The following AAK1 variants were observed in gnomAD, a reference collection of about 807,000 sequenced individuals.
AAK1 encodes the protein AP2 associated kinase 1.
In AAK1, 37 loss-of-function variants were observed where a neutral mutation model predicts 116.0. The observed-to-expected ratio is 0.32, with a 90% CI of 0.25 to 0.42. AAK1 has a LOEUF of 0.42. Among genes scored for constraint, AAK1 ranks in the 10% least tolerant of loss-of-function variants. The pLI, the probability that AAK1 is intolerant of heterozygous loss-of-function variation, is 1.00. For missense variants in AAK1, 919 were observed against 1,170.6 expected (o/e 0.79, Z 3.14); for synonymous variants, 458 against 439.9 (o/e 1.04, Z -0.51).
intron 20 of AAK1, among the ~76,000 whole-genome samples, chr2:69,477,204 T>C (rs1481441928): frequency 6.6e-6 from 1 of 151,846 alleles, no homozygotes; most frequent in African/African-American, 2.4e-5. Flanking sequence ...TTGACTTTTA[T>C]AATGATTAGG....
intron 2 of AAK1, among the ~76,000 whole-genome samples, chr2:69,589,701 T>C (rs1672945408): frequency 8.1e-6 from 1 of 123,162 alleles, no homozygotes; most frequent in African/African-American, 3.1e-5. Flanking sequence ...AAAGAGAAAC[T>C]CTGTCTCAAA....
rs1053163491 is a variant in AAK1 at position 69,473,027 on chromosome 2, A to G, written c.*2842T>C. On this transcript the variant is annotated 3_prime_UTR_variant, in exon 22 of 22. Coordinates refer to ENST00000409085, the MANE Select transcript of AAK1 (RefSeq NM_014911.5). ...CATCAGGATTATATAAATCCTTCAT[A>G]GCCCTTCTCAATATAATAATATATA... 3.1e-5 allele frequency: 30 copies of G among 974,760 alleles called. No individual in the cohort carries two copies. Among genetic ancestry groups the G allele is most frequent in the Non-Finnish European group, 3.7e-5 (30 of 819,918 alleles). The allele number at this position is 974,760 out of a possible 1,614,324, so 60.4% of individuals were successfully genotyped here.
At chr2:69,517,689 A>C (rs1676640914) in intron 12 of AAK1, among the ~76,000 whole-genome samples, 1 of 151,616 alleles carries the variant, frequency 6.6e-6, no homozygotes, top group Admixed American at 6.6e-5. Flanking sequence ...ATCAAATGAC[A>C]CCATAGCATG....
intron 16 of AAK1, among the ~76,000 whole-genome samples, chr2:69,499,571 T>C (rs1463474707): frequency 6.6e-6 from 1 of 152,230 alleles, no homozygotes; most frequent in Non-Finnish European, 1.5e-5. Context: ...CCACCACTTA[T>C]TCCTGTTACT....
Position 69,467,578 on chromosome 2 carries a change from T to G in AAK1, c.*8291A>C. 1.0e-6 allele frequency: 1 copy of G among 985,048 alleles called. No homozygotes were observed. The highest frequency in any genetic ancestry group is 4.7e-5 in the South Asian group (1 of 21,276). The allele number at this position is 985,048 out of a possible 1,614,324, so 61.0% of individuals were successfully genotyped here. ...GCTCAGTAAAGAGATACTACTGGAG[T>G]TTCCCAACCCACCAGGATAAGAATA... On this transcript the variant is annotated 3_prime_UTR_variant, in exon 22 of 22. Transcript: ENST00000409085.
chr2:69,643,499 ACCCTCCCGGGCACTGCCT>A, intron 1 of AAK1, 58 bp downstream of exon 1: 2 of 1,219,228 alleles, frequency 1.6e-6, no homozygotes, highest in South Asian at 8.5e-5. Flanking sequence ...GGCAGCGCCG[ACCCTCCCGGGCACTGCCT>A]CCCGCTCCTC....
At chr2:69,639,173 A>G (rs1304397479) in intron 2 of AAK1, among the ~76,000 whole-genome samples, 1 of 152,198 alleles carries the variant, frequency 6.6e-6, no homozygotes, top group Admixed American at 6.5e-5. Flanking sequence ...CATCTAGTCC[A>G]CCTTATAGTT....
At position 69,544,199 on chromosome 2, in the gene AAK1, T is replaced by G. The variant is rs369580741; in HGVS notation, c.391+237A>C. On this transcript the variant is annotated intron_variant, in intron 4 of 21. Coordinates refer to ENST00000409085, the MANE Select transcript of AAK1 (RefSeq NM_014911.5). ...ATTCTCATTCTTACACATCTTCATT[T>G]ATATACAAACACCAAACCTTCCCAA... 26 of 451,698 alleles carry G rather than the reference T, an allele frequency of 5.8e-5. No homozygotes were observed. In the East Asian group the frequency reaches 6.4e-4, roughly 11 times the overall value. The allele number at this position is 451,698 out of a possible 1,614,324, so 28.0% of individuals were successfully genotyped here. A position where few individuals can be genotyped will look rare whatever the true frequency, so the allele number is the denominator to read the frequency against.
chr2:69,618,938 C>G (rs577254137), intron 2 of AAK1, among the ~76,000 whole-genome samples: 1 of 152,282 alleles, frequency 6.6e-6, no homozygotes, highest in East Asian at 1.9e-4. Flanking sequence ...CCTCCATGCT[C>G]TGACTCTTCC....
At chr2:69,507,645 T>G (rs952063465) in intron 14 of AAK1, 67 bp from the exon 15 acceptor site, 8 of 1,356,900 alleles carry the variant, frequency 5.9e-6, no homozygotes, top group African/African-American at 1.5e-5. Context: ...AAGGGTCAAC[T>G]TATTTTCTCT....
At chr2:69,626,238 ATAT>A (rs936518110) in intron 2 of AAK1, among the ~76,000 whole-genome samples, 6 of 151,844 alleles carry the variant, frequency 4.0e-5, no homozygotes, top group East Asian at 1.9e-4. Context: ...TACAAAAATT[ATAT>A]TATTATTAAA....
chr2:69,509,445 T>C lies in AAK1; in HGVS notation c.1792A>G (p.Arg598Gly), dbSNP rs1259947411. Reference sequence around the variant, plus strand: ...GTTGTCTGAACCTTTGGCTGTTGTCTTACTGGGGCTTGAATCTGCTAGGAA... The same window carrying C: ...GTTGTCTGAACCTTTGGCTGTTGTCCTACTGGGGCTTGAATCTGCTAGGAA... ...AQEPAIQAPV[R>G]QQPKVQTTPP... The change falls in exon 14 of 22, where the codon AGA becomes GGA. Residue 598 changes from arginine to glycine, a missense_variant. Arg to Gly is a moderately radical substitution (Grantham distance 125). This residue lies in a region of AAK1 where 125 missense variants were observed against 184.1 expected (regional missense o/e 0.68). Coordinates refer to ENST00000409085, the MANE Select transcript of AAK1 (RefSeq NM_014911.5). The C allele has an allele frequency of 2.5e-6, 4 of 1,613,682 alleles. No homozygotes were observed. Among genetic ancestry groups the C allele is most frequent in the Admixed American group, 3.3e-5 (2 of 59,960 alleles).
intron 12 of AAK1, chr2:69,516,858 G>A (rs1676603199): frequency 6.6e-6 from 1 of 152,196 alleles, no homozygotes. Context: ...TGCTAGTTGG[G>A]TGTCTGCACT....
intron 2 of AAK1, among the ~76,000 whole-genome samples, chr2:69,561,701 T>C (rs1248127143): frequency 6.6e-6 from 1 of 152,182 alleles, no homozygotes; most frequent in Non-Finnish European, 1.5e-5. Context: ...CGACAGCCAA[T>C]CCATCACTGC....
intron 2 of AAK1, among the ~76,000 whole-genome samples, chr2:69,631,439 T>A (rs1675170057): frequency 1.3e-5 from 2 of 152,220 alleles, no homozygotes; most frequent in African/African-American, 4.8e-5. Flanking sequence ...TAATAATAGA[T>A]ACCATGAGCT....
chr2:69,611,056 T>C (rs1208577745), intron 2 of AAK1, among the ~76,000 whole-genome samples: 1 of 152,162 alleles, frequency 6.6e-6, no homozygotes, highest in Non-Finnish European at 1.5e-5. Flanking sequence ...GGTGTCAATT[T>C]GACTGGATTG....
Position 69,531,825 on chromosome 2 carries a change from C to A in AAK1, c.656+216G>T, listed in dbSNP as rs116820737. ...ACCACAGGACCACTGATAAAGTGCT[C>A]TAAGAGTCCTTCCTTTTACTCTGAT... On this transcript the variant is annotated intron_variant, in intron 6 of 21. Coordinates refer to ENST00000409085, the MANE Select transcript of AAK1 (RefSeq NM_014911.5). 1.3e-3 allele frequency: 1,644 copies of A among 1,266,146 alleles called. 11 individuals carry two copies. The African/African-American group carries it at 0.023, about 18-fold the overall frequency. 78.4% of individuals were successfully genotyped at this position (1,266,146 alleles called of 1,614,324 possible). A position where few individuals can be genotyped will look rare whatever the true frequency, so the allele number is the denominator to read the frequency against.
chr2:69,526,567 C>A (rs190000892), intron 9 of AAK1, among the ~76,000 whole-genome samples: 1 of 152,308 alleles, frequency 6.6e-6, no homozygotes, highest in East Asian at 1.9e-4. Flanking sequence ...CTCGGCCTCC[C>A]AAAGTGCTGG....
intron 2 of AAK1, among the ~76,000 whole-genome samples, chr2:69,618,347 T>A (rs182836429): frequency 2.6e-5 from 4 of 152,272 alleles, no homozygotes; most frequent in Non-Finnish European, 4.4e-5. Flanking sequence ...ATAAATGCCA[T>A]AAATTATAAA....
Sources: allele counts gnomAD v4.1 joint callset (sites outside exome capture counted in the v4.1 genomes callset), GRCh38; gene constraint gnomAD v4.1.1; regional missense constraint gnomAD v4.1.1; transcripts MANE v1.5; gene names NCBI Gene and HGNC (gene_info 2026-07-23, HGNC 2026-07-21).